Variants in PLCB4 observed in about 807,000 individuals in gnomAD.
PLCB4 encodes 1-phosphatidylinositol 4,5-bisphosphate phosphodiesterase beta-4.
Under a neutral mutation model 178.8 loss-of-function variants are expected in PLCB4, and 77 were observed. The observed-to-expected ratio is 0.43, with a 90% CI of 0.36 to 0.52. The LOEUF (loss-of-function observed/expected upper bound fraction) is 0.52. PLCB4 is among the 20% of genes least tolerant of loss of function. The pLI, the probability that PLCB4 is intolerant of heterozygous loss-of-function variation, is 0.00. For missense variants in PLCB4, 1,024 were observed against 1,453.4 expected, an observed-to-expected ratio of 0.70 and a Z score of 4.80; for synonymous variants, 496 against 490.8, an observed-to-expected ratio of 1.01 and a Z score of -0.14.
chr20:9,253,937 G>A (rs1281594790), intron 3 of PLCB4, among the ~76,000 whole-genome samples: 1 of 152,196 alleles, frequency 6.6e-6, no homozygotes, highest in Non-Finnish European at 1.5e-5. Flanking sequence ...ATCTTCAACT[G>A]AGAAGGTGCC....
chr20:9,386,991 A>G (rs2037727963), intron 14 of PLCB4, among the ~76,000 whole-genome samples: 1 of 151,416 alleles, frequency 6.6e-6, no homozygotes, highest in South Asian at 2.1e-4. Context: ...TCCTGGGTTC[A>G]AGCAATTCTC....
chr20:9,356,961 C>A (rs1260546065), intron 7 of PLCB4, among the ~76,000 whole-genome samples: 1 of 151,916 alleles, frequency 6.6e-6, no homozygotes, highest in Non-Finnish European at 1.5e-5. Flanking sequence ...GCAAAAAATA[C>A]CAAAATTGGC....
intron 3 of PLCB4, among the ~76,000 whole-genome samples, chr20:9,276,855 G>A (rs756894008): frequency 6.6e-5 from 10 of 152,010 alleles, no homozygotes; most frequent in African/African-American, 9.7e-5. Context: ...TGGGAGGATC[G>A]CTTGAACCCA....
At chr20:9,169,819 T>C (rs1035264765) in intron 2 of PLCB4, among the ~76,000 whole-genome samples, 2 of 152,138 alleles carry the variant, frequency 1.3e-5, no homozygotes, top group African/African-American at 4.8e-5. Context: ...TGTATTCACC[T>C]CCTAGATTCT....
At chr20:9,078,605 G>T (rs2089994394) in intron 1 of PLCB4, among the ~76,000 whole-genome samples, 1 of 150,160 alleles carries the variant, frequency 6.7e-6, no homozygotes, top group African/African-American at 2.5e-5. Flanking sequence ...CAAATGATCT[G>T]CCCTCCTCAG....
At chr20:9,257,070 T>C (rs979149240) in intron 3 of PLCB4, among the ~76,000 whole-genome samples, 48 of 152,260 alleles carry the variant, frequency 3.2e-4, no homozygotes, top group African/African-American at 1.1e-3. Context: ...AAAATATAGA[T>C]CTGATACAGG....
chr20:9,224,302 GCT>G (rs576911867), intron 3 of PLCB4, among the ~76,000 whole-genome samples: 161 of 152,264 alleles, frequency 1.1e-3, no homozygotes, highest in Non-Finnish European at 1.9e-3. Flanking sequence ...CTATACAGTG[GCT>G]CTCTCTTCTC....
At chr20:9,251,415 A>C (rs2094179147) in intron 3 of PLCB4, among the ~76,000 whole-genome samples, 1 of 152,210 alleles carries the variant, frequency 6.6e-6, no homozygotes, top group Admixed American at 6.5e-5. Context: ...AAAAGCACTG[A>C]TTTTAACCAT....
At chr20:9,332,341 A>G (rs1317862929) in intron 4 of PLCB4, among the ~76,000 whole-genome samples, 1 of 152,200 alleles carries the variant, frequency 6.6e-6, no homozygotes, top group Non-Finnish European at 1.5e-5. Flanking sequence ...TTAGGGAAAA[A>G]AGAATAGACA....
intron 3 of PLCB4, among the ~76,000 whole-genome samples, chr20:9,304,387 G>A (rs934101972): frequency 6.6e-6 from 1 of 151,802 alleles, no homozygotes; most frequent in South Asian, 2.1e-4. Context: ...GGGCCTAATC[G>A]TGATCGGATT....
At chr20:9,111,598 A>G (rs1302682757) in intron 2 of PLCB4, among the ~76,000 whole-genome samples, 2 of 152,136 alleles carry the variant, frequency 1.3e-5, no homozygotes, top group Admixed American at 1.3e-4. Flanking sequence ...CAAACCTTTA[A>G]TTTTGGACAA....
At chr20:9,321,135 A>C (rs2147959629) in intron 4 of PLCB4, among the ~76,000 whole-genome samples, 1 of 152,350 alleles carries the variant, frequency 6.6e-6, no homozygotes, top group South Asian at 2.1e-4. Flanking sequence ...CCCTTGACAC[A>C]GTGCAAAGTA....
intron 2 of PLCB4, among the ~76,000 whole-genome samples, chr20:9,125,096 C>T (rs2092076533): frequency 6.6e-6 from 1 of 152,140 alleles, no homozygotes; most frequent in East Asian, 1.9e-4. Flanking sequence ...ATCAATTCAC[C>T]AGGCGTGTCT....
intron 25 of PLCB4, among the ~76,000 whole-genome samples, chr20:9,417,501 G>T (rs1252290089): frequency 6.6e-6 from 1 of 152,028 alleles, no homozygotes; most frequent in Non-Finnish European, 1.5e-5. Context: ...TGTTTTCAAG[G>T]TTCATCCAGG....
At chr20:9,425,354 T>C (rs889716987) in intron 28 of PLCB4, among the ~76,000 whole-genome samples, 1 of 152,242 alleles carries the variant, frequency 6.6e-6, no homozygotes, top group African/African-American at 2.4e-5. Flanking sequence ...TAAACCCATA[T>C]GATGGAAGAT....
At chr20:9,398,540 G>A (rs74736400) in intron 19 of PLCB4, among the ~76,000 whole-genome samples, 406 of 152,068 alleles carry the variant, frequency 2.7e-3, no homozygotes, top group African/African-American at 9.3e-3. Context: ...TTACTGATAC[G>A]ATAATCCAGT....
chr20:9,342,326 A>C (rs2033305637), intron 7 of PLCB4, among the ~76,000 whole-genome samples: 2 of 152,174 alleles, frequency 1.3e-5, no homozygotes, highest in Admixed American at 1.3e-4. Flanking sequence ...AGAAATGTAG[A>C]GATTTCCCAG....
Position 9,155,985 on chromosome 20 carries a change from G to A in PLCB4, c.-79+59643G>A, listed in dbSNP as rs147175384. On this transcript the variant is annotated intron_variant, in intron 2 of 39. Coordinates refer to ENST00000378473, the MANE Select transcript of PLCB4 (RefSeq NM_001377142.1). ...TGAGACAGCCAATAGCAAACATCGT[G>A]GAGAACTTCTCTTTATAGGTCAATA... Among the ~76,000 whole-genome samples, 659 of 152,248 alleles carry A rather than the reference G, an allele frequency of 4.3e-3. 2 individuals are homozygous for A. Among genetic ancestry groups the A allele is most frequent in the African/African-American group, 0.015 (635 of 41,562 alleles).
In PLCB4 at chr20:9,080,458, A is replaced by G. The variant is rs148695092; in HGVS notation, c.-135+11252A>G. Among the ~76,000 whole-genome samples the G allele has an allele frequency of 4.6e-4, 70 of 152,302 alleles. No individual in the cohort carries two copies. The East Asian group carries it at 0.01, about 22-fold the overall frequency. ...CAGAGTTGGTCACTCTGGAAAAATC[A>G]TATCACCTCTCCATCATGAAGGAAT... On this transcript the variant is annotated intron_variant, in intron 1 of 39. Transcript: ENST00000378473.
Sources: gnomAD v4.1 joint callset for allele counts (sites outside exome capture counted in the v4.1 genomes callset) on GRCh38, gnomAD v4.1.1 for gene constraint, MANE v1.5 for transcripts, NCBI Gene and HGNC (gene_info 2026-07-23, HGNC 2026-07-21) for gene names.